Variants in ELAPOR2 observed in about 807,000 individuals in gnomAD.
ELAPOR2 encodes the protein endosome-lysosome associated apoptosis and autophagy regulator family member 2.
In ELAPOR2, 89 loss-of-function variants were observed where a neutral mutation model predicts 120.7. The ratio of observed to expected loss-of-function variants is 0.74; its 90% CI spans 0.62 to 0.88. The LOEUF (loss-of-function observed/expected upper bound fraction) is 0.88. Ranked by LOEUF, ELAPOR2 falls within the 40% of genes least tolerant of loss-of-function variation. The probability of loss-of-function intolerance (pLI) is 0.00; values close to 1 mark genes in which losing one functional copy is unlikely to be tolerated. For missense variants in ELAPOR2, 1,134 were observed against 1,251.6 expected, an observed-to-expected ratio of 0.91 and a Z score of 1.42; for synonymous variants, 444 against 444.9, an observed-to-expected ratio of 1.00 and a Z score of 0.03.
intron 1 of ELAPOR2, chr7:86,966,123 A>G (rs574692603): frequency 1.0e-5 from 2 of 198,338 alleles, no homozygotes; most frequent in Non-Finnish European, 1.8e-5. Flanking sequence ...TATAAGCAAC[A>G]AGAAGAACCC....
In ELAPOR2 at chr7:86,880,305, G is replaced by A. The variant is rs1799333513; in HGVS notation, c.*166C>T. The A allele has an allele frequency of 1.5e-6, 1 of 652,756 alleles. No homozygotes were observed. Among genetic ancestry groups the A allele is most frequent in the Non-Finnish European group, 2.7e-6 (1 of 367,126 alleles). 40.4% of individuals were successfully genotyped at this position (652,756 alleles called of 1,614,324 possible). On this transcript the variant is annotated 3_prime_UTR_variant, in exon 22 of 22. Transcript: ENST00000450689. ...TTTATTTGGCAAGGTACTTGACCAT[G>A]TGATAAGGCAATCAAATGTTTCAAT...
rs1207783671 is a variant in ELAPOR2, at chr7:86,880,337, C to T, written c.*134G>A. ...GGCAATCAAATGTTTCAATCTCCTT[C>T]CCTTTTCAGCGGCATGGCCCTCCTC... is the stretch of plus-strand genomic sequence containing the variant. On this transcript the variant is annotated 3_prime_UTR_variant, in exon 22 of 22. Coordinates refer to ENST00000450689, the MANE Select transcript of ELAPOR2 (RefSeq NM_001142749.3). 7.0e-6 allele frequency: 5 copies of T among 710,562 alleles called. No individual in the cohort carries two copies. Among genetic ancestry groups the T allele is most frequent in the African/African-American group, 1.8e-5 (1 of 55,776 alleles). The allele number at this position is 710,562 out of a possible 1,614,324, so 44.0% of individuals were successfully genotyped here.
intron 21 of ELAPOR2, among the ~76,000 whole-genome samples, chr7:86,885,789 G>A (rs1480254318): frequency 2.0e-5 from 3 of 152,148 alleles, no homozygotes; most frequent in Non-Finnish European, 4.4e-5. Context: ...GGGATTCTAT[G>A]TGTCCATTCA....
rs1014522290 is a variant in ELAPOR2, at chr7:86,879,218, G to A, written c.*1253C>T. ...GTTTTAAATCAATTAAGGTTTACAC[G>A]AAATTGGTCAAATCCAACTTCATTC... On this transcript the variant is annotated 3_prime_UTR_variant, in exon 22 of 22. Coordinates refer to ENST00000450689, the MANE Select transcript of ELAPOR2 (RefSeq NM_001142749.3). 5.3e-5 allele frequency: 8 copies of A among 152,070 alleles called. No individual in the cohort carries two copies. The highest frequency in any genetic ancestry group is 1.2e-4 in the African/African-American group (5 of 41,420). 9.4% of individuals were successfully genotyped at this position (152,070 alleles called of 1,614,324 possible).
At chr7:87,005,532 T>G (rs1160714115) in intron 1 of ELAPOR2, among the ~76,000 whole-genome samples, 3 of 152,154 alleles carry the variant, frequency 2.0e-5, no homozygotes, top group African/African-American at 7.2e-5. Flanking sequence ...GAATGTAGGT[T>G]TTTATGAATA....
chr7:86,974,580 A>AGTGTGTGTGTGT (rs35712048), intron 1 of ELAPOR2, among the ~76,000 whole-genome samples: 3,190 of 138,764 alleles, frequency 0.023, 67 homozygotes, highest in African/African-American at 0.039. Flanking sequence ...GAACCCCTGT[A>AGTGTGTGTGTGT]GTGTGTGTGT....
intron 1 of ELAPOR2, 77 bp from the exon 2 acceptor site, chr7:86,965,101 G>A: frequency 2.0e-6 from 3 of 1,475,782 alleles, no homozygotes; most frequent in East Asian, 2.5e-5. Context: ...ATCACCCCAA[G>A]CCCCTGTTTC....
intron 1 of ELAPOR2, among the ~76,000 whole-genome samples, chr7:86,978,100 A>C (rs769165861): frequency 1.1e-4 from 16 of 152,166 alleles, no homozygotes; most frequent in Admixed American, 3.9e-4. Context: ...GGAGATAATT[A>C]AATCATGGGA....
intron 3 of ELAPOR2, among the ~76,000 whole-genome samples, chr7:86,946,581 T>C (rs1791018211): frequency 6.6e-6 from 1 of 152,040 alleles, no homozygotes; most frequent in Non-Finnish European, 1.5e-5. Flanking sequence ...GAGATGGGGT[T>C]TCTCCATGTT....
chr7:87,026,638 A>G (rs1794253206), intron 1 of ELAPOR2, among the ~76,000 whole-genome samples: 1 of 152,036 alleles, frequency 6.6e-6, no homozygotes. Context: ...GTAAGCCTAT[A>G]AAGGAGTGAT....
At chr7:86,969,878 AAAGGCTTTAAGGAG>A (rs1335551032) in intron 1 of ELAPOR2, among the ~76,000 whole-genome samples, 5 of 152,208 alleles carry the variant, frequency 3.3e-5, no homozygotes, top group African/African-American at 1.2e-4. Flanking sequence ...AACAGTGAGA[AAAGGCTTTAAGGAG>A]AAGACCCTGA....
At chr7:87,018,804 C>A (rs11980655) in intron 1 of ELAPOR2, among the ~76,000 whole-genome samples, 16 of 152,162 alleles carry the variant, frequency 1.1e-4, no homozygotes, top group African/African-American at 3.9e-4. Flanking sequence ...AAATTCAGAT[C>A]CTAAACTTAG....
Position 86,938,979 on chromosome 7 carries a change from CAG to C in ELAPOR2, c.848-21_848-20del, listed in dbSNP as rs1170274735. On this transcript the variant is annotated intron_variant, in intron 6 of 21. Transcript: ENST00000450689. ...GCCACCCCTGTGCAGTAATGAAAAA[CAG>C]AGCATGGGAGGGGGACCCAATACCA... 1.2e-6 allele frequency: 2 copies of C among 1,612,160 alleles called. No homozygotes were observed. The highest frequency in any genetic ancestry group is 1.3e-5 in the African/African-American group (1 of 74,784).
chr7:86,895,353 C>T (rs985114579), intron 19 of ELAPOR2, among the ~76,000 whole-genome samples: 1 of 151,994 alleles, frequency 6.6e-6, no homozygotes, highest in African/African-American at 2.4e-5. Flanking sequence ...CAATGGAATA[C>T]ATTAAGTAAG....
intron 1 of ELAPOR2, among the ~76,000 whole-genome samples, chr7:86,966,417 T>C (rs1791905383): frequency 6.6e-6 from 1 of 152,222 alleles, no homozygotes; most frequent in Admixed American, 6.5e-5. Flanking sequence ...TTTAAGATGA[T>C]ACAGACATTT....
chr7:87,041,449 G>A (rs992632201), intron 1 of ELAPOR2, among the ~76,000 whole-genome samples: 1 of 151,852 alleles, frequency 6.6e-6, no homozygotes, highest in Non-Finnish European at 1.5e-5. Flanking sequence ...AGAGAGTGGG[G>A]GCCAATATTC....
At chr7:87,002,256 G>A (rs1793341597) in intron 1 of ELAPOR2, among the ~76,000 whole-genome samples, 1 of 152,062 alleles carries the variant, frequency 6.6e-6, no homozygotes, top group Non-Finnish European at 1.5e-5. Context: ...TACTAGTTGT[G>A]GCCTGAGGAG....
chr7:86,880,675 G>A (rs1799357858), intron 21 of ELAPOR2, 145 bp from the exon 22 acceptor site: 3 of 613,450 alleles, frequency 4.9e-6, no homozygotes, highest in Non-Finnish European at 8.6e-6. Context: ...TTAAAATTGG[G>A]TGGCAGATAT....
At chr7:86,934,784 T>A (rs1055953452) in intron 8 of ELAPOR2, among the ~76,000 whole-genome samples, 1 of 151,896 alleles carries the variant, frequency 6.6e-6, no homozygotes, top group African/African-American at 2.4e-5. Flanking sequence ...CCTTCCAATA[T>A]CTCCTCTTGC....
Sources: gnomAD v4.1 joint callset for allele counts (sites outside exome capture counted in the v4.1 genomes callset) on GRCh38, gnomAD v4.1.1 for gene constraint, MANE v1.5 for transcripts, NCBI Gene and HGNC (gene_info 2026-07-23, HGNC 2026-07-21) for gene names.